Variants in KCND3 observed in about 807,000 individuals in gnomAD.
The protein encoded by KCND3 is A-type voltage-gated potassium channel KCND3.
A neutral mutation model predicts 51.1 loss-of-function variants in KCND3; 9 were observed. That is an observed-to-expected ratio of 0.18 (90% CI 0.11 to 0.31). KCND3 has a LOEUF of 0.31. Ranked by LOEUF, KCND3 falls within the 10% of genes least tolerant of loss-of-function variation. The probability of loss-of-function intolerance (pLI) is 1.00; values close to 1 mark genes in which losing one functional copy is unlikely to be tolerated. For synonymous variants in KCND3, 349 were observed against 368.0 expected (o/e 0.95, Z 0.59); for missense variants, 526 against 903.8 (o/e 0.58, Z 5.36).
At chr1:111,958,452 G>A (rs1457232971) in intron 2 of KCND3, among the ~76,000 whole-genome samples, 1 of 152,214 alleles carries the variant, frequency 6.6e-6, no homozygotes, top group Non-Finnish European at 1.5e-5. Flanking sequence ...TGGAGGCCCT[G>A]TGAGCTTCAC....
At chr1:111,898,731 G>A (rs1163828364) in intron 2 of KCND3, among the ~76,000 whole-genome samples, 3 of 152,208 alleles carry the variant, frequency 2.0e-5, no homozygotes, top group African/African-American at 7.2e-5. Context: ...GAGACAGAAA[G>A]AGGGGAAACA....
chr1:111,950,798 G>A (rs994718077), intron 2 of KCND3, among the ~76,000 whole-genome samples: 2 of 152,208 alleles, frequency 1.3e-5, no homozygotes, highest in Non-Finnish European at 2.9e-5. Flanking sequence ...GAGAGTAAGC[G>A]ACAAAGAGGA....
intron 2 of KCND3, among the ~76,000 whole-genome samples, chr1:111,849,899 C>T (rs1667729492): frequency 2.6e-5 from 4 of 152,080 alleles, no homozygotes; most frequent in Non-Finnish European, 5.9e-5. Context: ...ATGCTCCAGC[C>T]CTCCTGTGAC....
chr1:111,830,344 C>T (rs537075624), intron 2 of KCND3, among the ~76,000 whole-genome samples: 85 of 152,344 alleles, frequency 5.6e-4, no homozygotes, highest in Non-Finnish European at 9.3e-4. Flanking sequence ...GGGCCCAGTG[C>T]GGTTCCTCAG....
At chr1:111,791,787 T>C (rs1664838932) in intron 2 of KCND3, among the ~76,000 whole-genome samples, 1 of 152,170 alleles carries the variant, frequency 6.6e-6, no homozygotes, top group African/African-American at 2.4e-5. Context: ...TTAACAAAGA[T>C]AAATGAGAAC....
At chr1:111,781,576 G>A (rs1306323841) in intron 3 of KCND3, among the ~76,000 whole-genome samples, 1 of 152,172 alleles carries the variant, frequency 6.6e-6, no homozygotes, top group Non-Finnish European at 1.5e-5. Context: ...CTGGTGTGCA[G>A]TAGCGTGATC....
At chr1:111,895,180 C>G (rs2587369) in intron 2 of KCND3, among the ~76,000 whole-genome samples, 146,796 of 146,912 alleles carry the variant, frequency 1, 73,340 homozygotes, top group Middle Eastern at 1. Flanking sequence ...GGAGGGAGAC[C>G]AAGAGCAAGG....
At chr1:111,852,302 C>T (rs1667853098) in intron 2 of KCND3, among the ~76,000 whole-genome samples, 1 of 152,232 alleles carries the variant, frequency 6.6e-6, no homozygotes, top group Non-Finnish European at 1.5e-5. Flanking sequence ...CAAGAAATTA[C>T]AAATGCCTTC....
intron 2 of KCND3, among the ~76,000 whole-genome samples, chr1:111,868,557 G>C (rs978894040): frequency 6.6e-6 from 1 of 152,110 alleles, no homozygotes; most frequent in Non-Finnish European, 1.5e-5. Flanking sequence ...ATGGGCATGG[G>C]GGGGACTACC....
At chr1:111,852,012 T>C (rs1454890269) in intron 2 of KCND3, among the ~76,000 whole-genome samples, 3 of 152,248 alleles carry the variant, frequency 2.0e-5, no homozygotes, top group African/African-American at 7.2e-5. Context: ...CAGCTGCCAC[T>C]GTCTGGATAA....
At chr1:111,954,623 CA>C (rs917645872) in intron 2 of KCND3, among the ~76,000 whole-genome samples, 17 of 152,342 alleles carry the variant, frequency 1.1e-4, no homozygotes, top group Admixed American at 9.1e-4. Context: ...TTCTGGCTGG[CA>C]TCTGCCTCTA....
chr1:111,944,384 G>A (rs1050338149), intron 2 of KCND3, among the ~76,000 whole-genome samples: 3 of 152,222 alleles, frequency 2.0e-5, no homozygotes, highest in African/African-American at 7.2e-5. Context: ...TGGTGCCCTT[G>A]ATTGCAACAG....
intron 2 of KCND3, among the ~76,000 whole-genome samples, chr1:111,900,121 C>T (rs1414107200): frequency 1.3e-5 from 2 of 152,130 alleles, no homozygotes; most frequent in African/African-American, 2.4e-5. Flanking sequence ...TATATACAGA[C>T]ATATGGATAT....
At chr1:111,793,038 T>G (rs945200644) in intron 2 of KCND3, among the ~76,000 whole-genome samples, 1 of 151,674 alleles carries the variant, frequency 6.6e-6, no homozygotes, top group African/African-American at 2.4e-5. Context: ...CCCAGCTGAT[T>G]TACTTTTTGT....
At chr1:111,956,170 A>G (rs879430017) in intron 2 of KCND3, among the ~76,000 whole-genome samples, 1 of 152,044 alleles carries the variant, frequency 6.6e-6, no homozygotes, top group Non-Finnish European at 1.5e-5. Flanking sequence ...TGTGAGCTGG[A>G]GTCCTTGGAG....
intron 2 of KCND3, among the ~76,000 whole-genome samples, chr1:111,901,452 C>T (rs1287590482): frequency 2.0e-5 from 3 of 152,144 alleles, no homozygotes; most frequent in Admixed American, 6.5e-5. Context: ...TTCTAAGGGC[C>T]GGGGCAAAAC....
intron 2 of KCND3, 121 bp from the exon 3 acceptor site, chr1:111,787,227 C>A: frequency 9.7e-7 from 1 of 1,030,620 alleles, no homozygotes; most frequent in South Asian, 1.4e-5. Flanking sequence ...CTTAGAGTAT[C>A]TACTATGTGC....
At chr1:111,781,041 A>G (rs983411583) in intron 3 of KCND3, among the ~76,000 whole-genome samples, 3 of 152,154 alleles carry the variant, frequency 2.0e-5, no homozygotes, top group Non-Finnish European at 4.4e-5. Context: ...CACTCATCCA[A>G]GCTCTCTTCT....
intron 2 of KCND3, among the ~76,000 whole-genome samples, chr1:111,801,701 C>G (rs1271294216): frequency 1.3e-5 from 2 of 152,202 alleles, no homozygotes; most frequent in Non-Finnish European, 2.9e-5. Flanking sequence ...TAGGGTAAAT[C>G]CAGGTTGCTC....
Sources: gnomAD v4.1 joint callset for allele counts (sites outside exome capture counted in the v4.1 genomes callset) on GRCh38, gnomAD v4.1.1 for gene constraint, MANE v1.5 for transcripts, NCBI Gene and HGNC (gene_info 2026-07-23, HGNC 2026-07-21) for gene names.